The following CCDC138 variants were observed in gnomAD, a reference collection of about 807,000 sequenced individuals.
The protein encoded by CCDC138 is coiled-coil domain-containing protein 138.
CCDC138 carries 66 observed loss-of-function variants against 82.3 expected under a neutral mutation model. The observed-to-expected ratio is 0.80, with a 90% CI of 0.66 to 0.98. CCDC138 has a LOEUF of 0.98. Among genes scored for constraint, CCDC138 ranks in the 50% least tolerant of loss-of-function variants. The pLI is 0.00. For synonymous variants in CCDC138, 297 were observed against 265.4 expected, an observed-to-expected ratio of 1.12 and a Z score of -1.16; for missense variants, 816 against 758.9, an observed-to-expected ratio of 1.08 and a Z score of -0.88.
intron 10 of CCDC138, among the ~76,000 whole-genome samples, chr2:108,820,612 G>A (rs571163671): frequency 1.3e-5 from 2 of 150,264 alleles, no homozygotes; most frequent in South Asian, 4.2e-4. Flanking sequence ...AGCTGGTCAC[G>A]TTCAAGGGAG....
At chr2:108,792,854 G>A (rs1215889350) in intron 4 of CCDC138, among the ~76,000 whole-genome samples, 1 of 152,050 alleles carries the variant, frequency 6.6e-6, no homozygotes, top group East Asian at 1.9e-4. Flanking sequence ...CACGAGGTCA[G>A]GAGATCGAGA....
At chr2:108,871,500 C>T (rs1012854415) in intron 13 of CCDC138, among the ~76,000 whole-genome samples, 4 of 151,774 alleles carry the variant, frequency 2.6e-5, no homozygotes, top group East Asian at 1.9e-4. Context: ...TTCAGTGAGC[C>T]GAGATCATGC....
chr2:108,873,353 A>G, intron 13 of CCDC138, 98 bp from the exon 14 acceptor site: 2 of 1,082,828 alleles, frequency 1.8e-6, no homozygotes, highest in Non-Finnish European at 2.5e-6. Flanking sequence ...ATCTAAATGA[A>G]TATTTATAAA....
At chr2:108,820,995 T>C (rs1184264468) in intron 10 of CCDC138, among the ~76,000 whole-genome samples, 1 of 141,054 alleles carries the variant, frequency 7.1e-6, no homozygotes, top group Non-Finnish European at 1.5e-5. Context: ...AATTCTTGCA[T>C]AGAATGTAAC....
intron 2 of CCDC138, 88 bp from the exon 3 acceptor site, chr2:108,788,764 A>T: frequency 6.7e-7 from 1 of 1,501,284 alleles, no homozygotes; most frequent in South Asian, 1.3e-5. Context: ...AGATTTTAAA[A>T]ATAGTATTAT....
chr2:108,798,992 A>G (rs1681427002), intron 6 of CCDC138, among the ~76,000 whole-genome samples: 1 of 152,000 alleles, frequency 6.6e-6, no homozygotes, highest in Non-Finnish European at 1.5e-5. Context: ...TAAATAACTT[A>G]TTTATAGTCC....
intron 5 of CCDC138, among the ~76,000 whole-genome samples, chr2:108,796,422 T>C (rs908079925): frequency 6.6e-6 from 1 of 152,214 alleles, no homozygotes; most frequent in Non-Finnish European, 1.5e-5. Context: ...GAAAACACTT[T>C]GGAGGTTCCT....
At chr2:108,833,123 G>A (rs1687975467) in intron 10 of CCDC138, among the ~76,000 whole-genome samples, 1 of 152,204 alleles carries the variant, frequency 6.6e-6, no homozygotes, top group Non-Finnish European at 1.5e-5. Context: ...AAGAGGAGCA[G>A]AGCACAGGCA....
intron 12 of CCDC138, among the ~76,000 whole-genome samples, chr2:108,854,065 T>TATATAATAAA (rs1692208849): frequency 8.1e-6 from 1 of 122,966 alleles, no homozygotes; most frequent in African/African-American, 3.3e-5. Flanking sequence ...ATTATATATA[T>TATATAATAAA]TTTATATATA....
intron 5 of CCDC138, 148 bp from the exon 6 acceptor site, chr2:108,798,280 C>T: frequency 1.5e-6 from 1 of 683,130 alleles, no homozygotes; most frequent in South Asian, 2.2e-5. Flanking sequence ...ACTTGCTATA[C>T]TAGTCTAGCT....
At chr2:108,800,313 G>C (rs1359286142) in intron 6 of CCDC138, among the ~76,000 whole-genome samples, 1 of 152,168 alleles carries the variant, frequency 6.6e-6, no homozygotes, top group Admixed American at 6.5e-5. Context: ...CATCCAGGCT[G>C]GAGTACAGTG....
Position 108,873,555 on chromosome 2 carries a change from C to G in CCDC138, c.1798C>G (p.Leu600Val), listed in dbSNP as rs752225066. 1.2e-6 allele frequency: 2 copies of G among 1,610,330 alleles called. No individual in the cohort carries two copies. Among genetic ancestry groups the G allele is most frequent in the South Asian group, 2.2e-5 (2 of 90,120 alleles). Residue 600 changes from leucine (L) to valine (V), a missense_variant, in exon 14 of 15, where the codon CTC becomes GTC. Physicochemically the swap from Leu to Val is conservative, Grantham distance 32. Coordinates refer to ENST00000295124, the MANE Select transcript of CCDC138 (RefSeq NM_144978.3). ...PKLDLQILEK[L>V]SIILQKLSKI... ...GCTTGATCTTCAAATACTAGAAAAA[C>G]TCAGTATTATTTTACAGAAACTTTC... is the stretch of plus-strand genomic sequence containing the variant.
At chr2:108,798,728 C>G in intron 6 of CCDC138, 142 bp downstream of exon 6, 4 of 585,510 alleles carry the variant, frequency 6.8e-6, no homozygotes, top group Non-Finnish European at 1.2e-5. Context: ...CACACACACA[C>G]ACACACACAC....
intron 7 of CCDC138, among the ~76,000 whole-genome samples, chr2:108,806,318 A>G (rs1322963695): frequency 6.6e-6 from 1 of 152,168 alleles, no homozygotes; most frequent in Non-Finnish European, 1.5e-5. Flanking sequence ...GCCCATACCT[A>G]TCTCTTAGGT....
chr2:108,809,115 C>T (rs1308998290), intron 7 of CCDC138, among the ~76,000 whole-genome samples: 1 of 152,108 alleles, frequency 6.6e-6, no homozygotes, highest in African/African-American at 2.4e-5. Flanking sequence ...TGTAGAAAAT[C>T]AGTTGGCTGT....
At chr2:108,819,901 C>T (rs910536528) in intron 10 of CCDC138, among the ~76,000 whole-genome samples, 26 of 151,808 alleles carry the variant, frequency 1.7e-4, no homozygotes, top group African/African-American at 5.8e-4. Context: ...AAACTGTAAC[C>T]GATAATTTAA....
At chr2:108,868,202 T>TA (rs1160205077) in intron 13 of CCDC138, among the ~76,000 whole-genome samples, 2 of 152,118 alleles carry the variant, frequency 1.3e-5, no homozygotes, top group African/African-American at 2.4e-5. Context: ...TAATAAAAGT[T>TA]ACGTTTATTT....
intron 12 of CCDC138, among the ~76,000 whole-genome samples, chr2:108,851,141 T>C (rs967893126): frequency 1.3e-5 from 2 of 152,078 alleles, no homozygotes; most frequent in Non-Finnish European, 2.9e-5. Context: ...TAAAGGATAT[T>C]GCAAATGATG....
chr2:108,829,515 G>A (rs1687188712), intron 10 of CCDC138, among the ~76,000 whole-genome samples: 4 of 152,202 alleles, frequency 2.6e-5, no homozygotes, highest in Admixed American at 2.0e-4. Flanking sequence ...GGAGGCCAAG[G>A]CAGGCGGGTC....
Sources: allele counts gnomAD v4.1 joint callset (sites outside exome capture counted in the v4.1 genomes callset), GRCh38; gene constraint gnomAD v4.1.1; transcripts MANE v1.5; gene names NCBI Gene and HGNC (gene_info 2026-07-23, HGNC 2026-07-21).